The following PCDH11Y variants were observed in gnomAD, a reference collection of about 807,000 sequenced individuals.
The protein encoded by PCDH11Y is protocadherin 11 Y-linked, also known as protocadherin-11 Y-linked.
For synonymous variants in PCDH11Y, 9 were observed against 83.6 expected (o/e 0.11, Z 4.87); for missense variants, 12 against 224.8 (o/e 0.05, Z 6.05).
chrY:5,108,003 G>A, downstream of PCDH11Y, among the ~76,000 whole-genome samples: 1 of 27,815 alleles, frequency 3.6e-5, no homozygotes, highest in Admixed American at 3.3e-4. Flanking sequence ...AGCTTGCAGT[G>A]AGCCGAGATC....
intron 2 of PCDH11Y, among the ~76,000 whole-genome samples, chrY:5,410,354 G>A (rs2053245684): frequency 3.9e-5 from 1 of 25,662 alleles, no homozygotes; most frequent in African/African-American, 2.8e-4. Flanking sequence ...TGGGCAACAA[G>A]AGCGAAACCC....
chrY:5,338,578 G>A, intron 2 of PCDH11Y: 2 of 370,054 alleles, frequency 5.4e-6, no homozygotes, highest in South Asian at 3.0e-5. Flanking sequence ...CATGACAGGA[G>A]GCACCCATGT....
At chrY:5,000,966 G>A in intron 1 of PCDH11Y, among the ~76,000 whole-genome samples, 1 of 33,884 alleles carries the variant, frequency 3.0e-5, no homozygotes. Context: ...GAGGCTGAGG[G>A]AAACTCTAAG....
In PCDH11Y at chrY:5,187,278, C is replaced by T. The variant is rs1432089509; in HGVS notation, c.3129+86571C>T. On this transcript the variant is annotated intron_variant, in intron 2 of 4. Transcript: ENST00000400457. ...CTGGAAGACTGTGGCCCTGTTCTCACGGCTCCAGTAGGCAATACCCCAGTG... is the reference window on the plus strand; with the variant it reads ...CTGGAAGACTGTGGCCCTGTTCTCATGGCTCCAGTAGGCAATACCCCAGTG... Among the ~76,000 whole-genome samples the T allele has an allele frequency of 5.3e-3, 174 of 33,104 alleles. No homozygotes were observed. In the East Asian group the frequency reaches 0.14, roughly 27 times the overall value. The allele number at this position is 33,104 out of a possible 37,273, so 88.8% of individuals were successfully genotyped here. A position where few individuals can be genotyped will look rare whatever the true frequency, so the allele number is the denominator to read the frequency against.
In PCDH11Y at chrY:5,410,638, G is replaced by GT. The variant is rs2053246136; in HGVS notation, c.3130-90418dup. On this transcript the variant is annotated intron_variant, in intron 2 of 4. Transcript: ENST00000400457. ...TACAGATTATTTTATCACCCAGGTA[G>GT]TAAGCATGGTACCTGACAGGTAGTT... Among the ~76,000 whole-genome samples, 8 of 32,421 alleles carry GT rather than the reference G, an allele frequency of 2.5e-4. No homozygotes were observed. The South Asian group carries it at 5.5e-3, about 22-fold the overall frequency. The allele number at this position is 32,421 out of a possible 37,273, so 87.0% of individuals were successfully genotyped here. A position where few individuals can be genotyped will look rare whatever the true frequency, so the allele number is the denominator to read the frequency against.
intron 2 of PCDH11Y, among the ~76,000 whole-genome samples, chrY:5,174,139 GATAT>G (rs771513755): frequency 0.15 from 1,487 of 9,755 alleles, no homozygotes; most frequent in African/African-American, 0.5. Flanking sequence ...ATACAAATGT[GATAT>G]ATATATATAT....
chrY:5,115,613 C>G, intron 2 of PCDH11Y, among the ~76,000 whole-genome samples: 1 of 31,607 alleles, frequency 3.2e-5, no homozygotes, highest in Non-Finnish European at 7.6e-5. Context: ...ACTACATATC[C>G]CTACTCAAAA....
chrY:5,104,397 G>T (rs1432473069), downstream of PCDH11Y: 1 of 394,131 alleles, frequency 2.5e-6, no homozygotes, highest in Admixed American at 7.7e-5. Flanking sequence ...AACTTTCTAG[G>T]AACAACAAAA....
chrY:5,244,532 G>A, intron 2 of PCDH11Y, among the ~76,000 whole-genome samples: 5 of 33,491 alleles, frequency 1.5e-4, no homozygotes, highest in Admixed American at 8.1e-4. Flanking sequence ...CATGAGGCAG[G>A]GGAGCCCCCA....
At chrY:5,229,439 C>G (rs2052965248) in intron 2 of PCDH11Y, among the ~76,000 whole-genome samples, 1 of 29,002 alleles carries the variant, frequency 3.4e-5, no homozygotes, top group Non-Finnish European at 8.1e-5. Flanking sequence ...CCTCAGCCTC[C>G]CAAGTAGCTG....
At chrY:5,468,718 T>C (rs2053310571) in intron 2 of PCDH11Y, among the ~76,000 whole-genome samples, 3 of 32,070 alleles carry the variant, frequency 9.4e-5, no homozygotes, top group Non-Finnish European at 1.5e-4. Context: ...ATGTAAGTCA[T>C]TAATTTAAAT....
In PCDH11Y at chrY:5,675,800, G is replaced by C. The variant is rs2053553275; in HGVS notation, c.3353-61472G>C. 1.5e-4 allele frequency among the ~76,000 whole-genome samples: 5 copies of C among 33,754 alleles called. No homozygotes were observed. In the East Asian group the frequency reaches 4.1e-3, roughly 27 times the overall value. 90.6% of individuals were successfully genotyped at this position (33,754 alleles called of 37,273 possible). A position where few individuals can be genotyped will look rare whatever the true frequency, so the allele number is the denominator to read the frequency against. ...GGTGGACTCTCATGATCTTAGGCTG[G>C]TCCACGCCTGTGGCTTTGTAGGGTA... is the stretch of plus-strand genomic sequence containing the variant. On this transcript the variant is annotated intron_variant, in intron 4 of 4. Coordinates refer to the PCDH11Y transcript ENST00000400457.
At chrY:5,418,387 C>T (rs2053255091) in intron 2 of PCDH11Y, among the ~76,000 whole-genome samples, 1 of 28,546 alleles carries the variant, frequency 3.5e-5, no homozygotes, top group African/African-American at 1.4e-4. Flanking sequence ...TCCCAAGGGT[C>T]ATCTAGGTTG....
intron 2 of PCDH11Y, among the ~76,000 whole-genome samples, chrY:5,123,956 G>C: frequency 3.0e-5 from 1 of 33,196 alleles, no homozygotes; most frequent in Non-Finnish European, 7.4e-5. Context: ...ATACAACACA[G>C]TATGGGAATA....
chrY:5,049,655 G>C, intron 3 of PCDH11Y, among the ~76,000 whole-genome samples: 1 of 29,697 alleles, frequency 3.4e-5, no homozygotes, highest in African/African-American at 1.3e-4. Context: ...CCGCCTCCCG[G>C]GTTCACGCCA....
intron 3 of PCDH11Y, among the ~76,000 whole-genome samples, chrY:5,512,338 C>A: frequency 3.2e-5 from 1 of 31,094 alleles, no homozygotes. Context: ...ATTAGCCGGG[C>A]CTAGTGGCAG....
intron 2 of PCDH11Y, among the ~76,000 whole-genome samples, chrY:5,448,555 A>G (rs2124682452): frequency 3.3e-4 from 11 of 33,530 alleles, no homozygotes; most frequent in Admixed American, 3.0e-3. Flanking sequence ...TGTTGCAAGT[A>G]TCTCCTTTAA....
intron 4 of PCDH11Y, among the ~76,000 whole-genome samples, chrY:5,665,136 T>C (rs2124707635): frequency 3.0e-5 from 1 of 32,792 alleles, no homozygotes; most frequent in South Asian, 6.8e-4. Flanking sequence ...TGCTAAATTG[T>C]ATGATATGGT....
At chrY:5,290,661 C>T in intron 2 of PCDH11Y, among the ~76,000 whole-genome samples, 1 of 26,370 alleles carries the variant, frequency 3.8e-5, no homozygotes, top group Non-Finnish European at 8.7e-5. Context: ...CTTCTGACTA[C>T]GAATATCCAG....
Sources: allele counts gnomAD v4.1 joint callset (sites outside exome capture counted in the v4.1 genomes callset), GRCh38; gene constraint gnomAD v4.1.1; transcripts MANE v1.5; gene names NCBI Gene and HGNC (gene_info 2026-07-23, HGNC 2026-07-21).